Variants in ASCC1 observed in about 807,000 individuals in gnomAD.
ASCC1 encodes ASC-1 complex subunit P50.
Under a neutral mutation model 46.6 loss-of-function variants are expected in ASCC1, and 35 were observed. The ratio of observed to expected loss-of-function variants is 0.75; its 90% CI spans 0.57 to 0.99. The LOEUF (loss-of-function observed/expected upper bound fraction) is 0.99, where lower values mean the gene tolerates loss of function less well. ASCC1 is among the 50% of genes least tolerant of loss of function. ASCC1 has a pLI of 0.00. For missense variants in ASCC1, 376 were observed against 428.7 expected (o/e 0.88, Z 1.09); for synonymous variants, 143 against 146.6 (o/e 0.98, Z 0.18).
At chr10:72,192,911 T>C (rs1021643833) in intron 5 of ASCC1, among the ~76,000 whole-genome samples, 13 of 152,028 alleles carry the variant, frequency 8.6e-5, no homozygotes, top group Admixed American at 4.6e-4. Flanking sequence ...ATTAAAGAAA[T>C]GTAAATCAAA....
intron 6 of ASCC1, chr10:72,159,381 A>G (rs1301786527): frequency 6.6e-6 from 1 of 152,230 alleles, no homozygotes; most frequent in Non-Finnish European, 1.5e-5. Flanking sequence ...AAATCTTTGC[A>G]TAGCTTAGGA....
At position 72,156,490 on chromosome 10, in the gene ASCC1, C is replaced by T. The variant is rs143430088; in HGVS notation, c.627-3502G>A. On this transcript the variant is annotated intron_variant, in intron 6 of 9. Transcript: ENST00000672957. Reference sequence around the variant, plus strand: ...AAAAACAAAAGGATTTGGCCGGGTGCGGTGGCTCACGCCTGTAATCCCAGA... The same window carrying T: ...AAAAACAAAAGGATTTGGCCGGGTGTGGTGGCTCACGCCTGTAATCCCAGA... Among the ~76,000 whole-genome samples, 6 of 152,244 alleles carry T rather than the reference C, an allele frequency of 3.9e-5. 1 individual carries two copies. The highest frequency in any genetic ancestry group is 2.1e-4 in the South Asian group (1 of 4,826).
chr10:72,163,379 G>A (rs563343103), intron 5 of ASCC1, among the ~76,000 whole-genome samples: 4 of 152,304 alleles, frequency 2.6e-5, no homozygotes, highest in Non-Finnish European at 4.4e-5. Context: ...TATATCAACA[G>A]ATGAATGGAT....
intron 6 of ASCC1, among the ~76,000 whole-genome samples, chr10:72,158,194 C>T (rs1589392785): frequency 6.6e-6 from 1 of 152,224 alleles, no homozygotes; most frequent in South Asian, 2.1e-4. Context: ...CCGATAAACA[C>T]TCTTTGTCTT....
At chr10:72,187,370 G>A (rs747236526) in intron 5 of ASCC1, among the ~76,000 whole-genome samples, 33 of 152,100 alleles carry the variant, frequency 2.2e-4, no homozygotes, top group Admixed American at 2.6e-4. Flanking sequence ...TTGGGAGGCC[G>A]AGGCGGGTGG....
intron 5 of ASCC1, among the ~76,000 whole-genome samples, chr10:72,172,414 C>CAAAAAAAA (rs1041390323): frequency 7.5e-5 from 3 of 40,238 alleles, no homozygotes; most frequent in Non-Finnish European, 1.4e-4. Flanking sequence ...AACTCAGTCT[C>CAAAAAAAA]AAAAAAAAAA....
At position 72,203,520 on chromosome 10, in the gene ASCC1, T is replaced by C. The variant is rs1283178683; in HGVS notation, c.217A>G (p.Ile73Val). 2 of 1,599,626 alleles carry C rather than the reference T, an allele frequency of 1.3e-6. No individual in the cohort carries two copies. The highest frequency in any genetic ancestry group is 1.7e-6 in the Non-Finnish European group (2 of 1,167,396). Residue 73 changes from isoleucine (I) to valine (V), a missense_variant, in exon 4 of 10, where the codon ATA becomes GTA. Physicochemically the swap from Ile to Val is conservative, Grantham distance 29 (BLOSUM62 3). Coordinates refer to ENST00000672957, the MANE Select transcript of ASCC1 (RefSeq NM_001198800.3). Reference protein sequence around the residue: ...LRAPSLLYKHIVGKRGDTRKK... With the variant: ...LRAPSLLYKHVVGKRGDTRKK... ...CTAGTGTCCCCTCTCTTTCCAACTATATGCCTGTAACATAAAGTAATTAAA... is the reference window on the plus strand; with the variant it reads ...CTAGTGTCCCCTCTCTTTCCAACTACATGCCTGTAACATAAAGTAATTAAA...
chr10:72,118,241 C>T (rs997537067), intron 9 of ASCC1, among the ~76,000 whole-genome samples: 1 of 151,722 alleles, frequency 6.6e-6, no homozygotes, highest in African/African-American at 2.4e-5. Flanking sequence ...GTGGCACACG[C>T]GTATAGTCCC....
chr10:72,123,749 T>C (rs1844509213), intron 9 of ASCC1, among the ~76,000 whole-genome samples: 2 of 152,336 alleles, frequency 1.3e-5, no homozygotes, highest in African/African-American at 4.8e-5. Context: ...GTCTCTCCCC[T>C]GAGAGTGTTT....
chr10:72,149,437 CAAAAAAAAAAAAA>C (rs11297879), intron 7 of ASCC1, among the ~76,000 whole-genome samples: 3 of 52,690 alleles, frequency 5.7e-5, no homozygotes, highest in Admixed American at 3.1e-4. Flanking sequence ...GACTCCGTCA[CAAAAAAAAAAAAA>C]AAAAAAAAAA....
At chr10:72,122,969 C>T (rs1291007346) in intron 9 of ASCC1, among the ~76,000 whole-genome samples, 3 of 152,076 alleles carry the variant, frequency 2.0e-5, no homozygotes, top group African/African-American at 4.8e-5. Flanking sequence ...ATAATCTAAG[C>T]TTCTTCCTTA....
intron 5 of ASCC1, among the ~76,000 whole-genome samples, chr10:72,171,800 C>A (rs1198980873): frequency 6.6e-6 from 1 of 152,150 alleles, no homozygotes; most frequent in Non-Finnish European, 1.5e-5. Context: ...TAATAGTCAC[C>A]GGTTTTGGGA....
chr10:72,157,929 A>G (rs913827646), intron 6 of ASCC1, among the ~76,000 whole-genome samples: 59 of 152,220 alleles, frequency 3.9e-4, no homozygotes, highest in African/African-American at 1.2e-3. Context: ...CTTGACTTTC[A>G]GATAGAATTT....
At position 72,103,724 on chromosome 10, in the gene ASCC1, G is replaced by C. The variant is rs192799039; in HGVS notation, c.958-6274C>G. On this transcript the variant is annotated intron_variant, in intron 9 of 9. Transcript: ENST00000672957. ...CTCATTCGACAGATACCCTCCCTTT[G>C]CCCAGAGGAAAGGAATATCCTTATC... is the stretch of plus-strand genomic sequence containing the variant. Among the ~76,000 whole-genome samples, 18 of 152,174 alleles carry C rather than the reference G, an allele frequency of 1.2e-4. No individual in the cohort carries two copies. In the East Asian group the frequency reaches 3.5e-3, roughly 29 times the overall value.
Position 72,097,297 on chromosome 10 carries a change from G to C in ASCC1, c.*37C>G. On this transcript the variant is annotated 3_prime_UTR_variant, in exon 10 of 10. Coordinates refer to ENST00000672957, the MANE Select transcript of ASCC1 (RefSeq NM_001198800.3). The stretch of plus-strand genomic sequence containing the variant: ...AAGACACTTTTCTTCAGCACCTGGT[G>C]AAGATGTTTAGTTTCTAGTGCTTTC... The C allele has an allele frequency of 7.3e-7, 1 of 1,371,194 alleles. No individual in the cohort carries two copies. The highest frequency in any genetic ancestry group is 1.0e-6 in the Non-Finnish European group (1 of 959,744). The allele number at this position is 1,371,194 out of a possible 1,614,324, so 84.9% of individuals were successfully genotyped here. A position where few individuals can be genotyped will look rare whatever the true frequency, so the allele number is the denominator to read the frequency against.
At chr10:72,150,530 A>G (rs1429223820) in intron 7 of ASCC1, among the ~76,000 whole-genome samples, 2 of 152,202 alleles carry the variant, frequency 1.3e-5, no homozygotes, top group Admixed American at 1.3e-4. Flanking sequence ...TCAACTAATA[A>G]ATGATGTTAA....
intron 9 of ASCC1, chr10:72,102,429 T>A (rs1841881795): frequency 2.6e-6 from 4 of 1,541,478 alleles, no homozygotes; most frequent in Non-Finnish European, 3.5e-6. Flanking sequence ...CACAGTTAAG[T>A]GGAAACAGAT....
chr10:72,206,774 G>A (rs1857281090), intron 3 of ASCC1, among the ~76,000 whole-genome samples: 1 of 152,150 alleles, frequency 6.6e-6, no homozygotes, highest in African/African-American at 2.4e-5. Context: ...CCATACAGAG[G>A]ATTGAGGCCC....
At chr10:72,199,548 G>A (rs574268673) in intron 4 of ASCC1, among the ~76,000 whole-genome samples, 10 of 151,802 alleles carry the variant, frequency 6.6e-5, no homozygotes, top group Non-Finnish European at 1.2e-4. Flanking sequence ...TGCCCTCCTC[G>A]GCCTCCCAAA....
Sources: gnomAD v4.1 joint callset for allele counts (sites outside exome capture counted in the v4.1 genomes callset) on GRCh38, gnomAD v4.1.1 for gene constraint, MANE v1.5 for transcripts, NCBI Gene and HGNC (gene_info 2026-07-23, HGNC 2026-07-21) for gene names.